Variants in TLR9 observed in about 807,000 individuals in gnomAD.
TLR9 encodes toll like receptor 9.
A neutral mutation model predicts 24.6 loss-of-function variants in TLR9; 19 were observed. The observed-to-expected ratio is 0.77, with a 90% CI of 0.54 to 1.13. The LOEUF (loss-of-function observed/expected upper bound fraction) is 1.13, where lower values mean the gene tolerates loss of function less well. Among genes scored for constraint, TLR9 ranks in the 50% most tolerant of loss-of-function variants. The probability of loss-of-function intolerance (pLI) is 0.00; values close to 1 mark genes in which losing one functional copy is unlikely to be tolerated. For synonymous variants in TLR9, 579 were observed against 609.8 expected, an observed-to-expected ratio of 0.95 and a Z score of 0.74; for missense variants, 1,065 against 1,379.6, an observed-to-expected ratio of 0.77 and a Z score of 3.61.
chr3:52,224,243 C>T lies in TLR9; in HGVS notation c.73G>A (p.Ala25Thr). 1.2e-6 allele frequency: 2 copies of T among 1,613,154 alleles called. No homozygotes were observed. Among genetic ancestry groups the T allele is most frequent in the Non-Finnish European group, 8.5e-7 (1 of 1,179,508 alleles). The change falls in exon 2 of 2, where the codon GCC becomes ACC. Residue 25 changes from alanine to threonine, a missense_variant. Coordinates refer to ENST00000360658, the MANE Select transcript of TLR9 (RefSeq NM_017442.4). ...AGGAAGGCAGGCAAGGTACCCAGGG[C>T]CAGGGTCATGGCCAGCATGATGGCC... Reference protein sequence around the residue: ...VQAIMLAMTLALGTLPAFLPC... With the variant: ...VQAIMLAMTLTLGTLPAFLPC...
At chr3:52,224,961 A>G (rs1434794139) in intron 1 of TLR9, among the ~76,000 whole-genome samples, 2 of 152,238 alleles carry the variant, frequency 1.3e-5, no homozygotes, top group African/African-American at 2.4e-5. Flanking sequence ...CTACAGGCCC[A>G]GTGAGACCCA....
In TLR9 at chr3:52,221,578, C is replaced by T; in HGVS notation, c.2738G>A (p.Trp913Ter). Residue 913 changes from tryptophan to a stop codon, truncating the protein, a stop_gained, in exon 2 of 2, where the codon TGG becomes TAG. Transcript: ENST00000360658. LOFTEE classifies it high-confidence loss of function. The surrounding 1 kb of genome is among the most constrained non-coding windows in gnomAD (Gnocchi z 9.9). Reference sequence around the variant, plus strand: ...CTCAAAGAGGGTTTTGCCAGGCAGCCAGTCGCGTTCCTCCAGGCACAGGCG... The same window carrying T: ...CTCAAAGAGGGTTTTGCCAGGCAGCTAGTCGCGTTCCTCCAGGCACAGGCG... ...ALRLCLEERD[W>*]LPGKTLFENL... 6.2e-7 allele frequency: 1 copy of T among 1,613,066 alleles called. No homozygotes were observed. The highest frequency in any genetic ancestry group is 1.3e-5 in the African/African-American group (1 of 75,062).
intron 1 of TLR9, 41 bp downstream of exon 1, chr3:52,225,483 CCAG>C (rs1310721243): frequency 6.2e-7 from 1 of 1,603,106 alleles, no homozygotes; most frequent in East Asian, 2.3e-5. Context: ...CCACCCCTTC[CCAG>C]GATATCCCCT....
At chr3:52,224,343 C>G (rs377352938) in intron 1 of TLR9, 31 bp from the exon 2 acceptor site, 1 of 1,524,344 alleles carries the variant, frequency 6.6e-7, no homozygotes, top group Non-Finnish European at 8.9e-7. Context: ...TGTGAGTGGC[C>G]GGCCCCCAGC....
Position 52,221,547 on chromosome 3 carries a change from C to T in TLR9, c.2769G>A (p.Leu923=), listed in dbSNP as rs1699553647. ...TGCGGCTGCCATAGACCGAGGCCCA[C>T]AGGTTCTCAAAGAGGGTTTTGCCAG... The part of the protein sequence containing the change: ...WLPGKTLFEN[L]WASVYGSRKT... Residue 923 remains leucine (L), a synonymous_variant, in exon 2 of 2, where the codon CTG becomes CTA. Coordinates refer to ENST00000360658, the MANE Select transcript of TLR9 (RefSeq NM_017442.4). The surrounding 1 kb of genome is among the most constrained non-coding windows in gnomAD (Gnocchi z 9.9). 6.2e-7 allele frequency: 1 copy of T among 1,613,020 alleles called. No homozygotes were observed.
Position 52,222,612 on chromosome 3 carries a change from G to A in TLR9, c.1704C>T (p.Phe568=). 3 of 1,614,162 alleles carry A rather than the reference G, an allele frequency of 1.9e-6. No homozygotes were observed. Among genetic ancestry groups the A allele is most frequent in the Non-Finnish European group, 2.5e-6 (3 of 1,180,032 alleles). The change falls in exon 2 of 2, where the codon TTC becomes TTT. Residue 568 remains phenylalanine (F), a synonymous_variant. Coordinates refer to ENST00000360658, the MANE Select transcript of TLR9 (RefSeq NM_017442.4). ...GGGTGCGCAGGTGAGCCACGAAGCT[G>A]AAGTTGTGGCCCACGCCCTGCATGC... ...PFGMQGVGHN[F]SFVAHLRTLR...
At position 52,224,128 on chromosome 3, in the gene TLR9, C is replaced by T. The variant is rs772719609; in HGVS notation, c.188G>A (p.Gly63Asp). Reference protein sequence around the residue: ...VPHFSMAAPRGNVTSLSLSSN... With the variant: ...VPHFSMAAPRDNVTSLSLSSN... ...GGACAAGGAAAGGCTGGTGACATTG[C>T]CACGGGGTGCTGCCATGGAGAAGTG... The change falls in exon 2 of 2, where the codon GGC becomes GAC. Residue 63 changes from glycine to aspartate, a missense_variant. Physicochemically the swap from Gly to Asp is moderately conservative, Grantham distance 94. Coordinates refer to ENST00000360658, the MANE Select transcript of TLR9 (RefSeq NM_017442.4). 6.3e-7 allele frequency: 1 copy of T among 1,576,038 alleles called. No homozygotes were observed. The highest frequency in any genetic ancestry group is 1.7e-5 in the Admixed American group (1 of 57,332).
Position 52,221,769 on chromosome 3 carries a change from C to CA in TLR9, c.2546dup (p.Cys850ValfsTer16). 6.2e-7 allele frequency: 1 copy of CA among 1,613,972 alleles called. No homozygotes were observed. On this transcript the variant is annotated frameshift_variant, in exon 2 of 2. Coordinates refer to ENST00000360658, the MANE Select transcript of TLR9 (RefSeq NM_017442.4). LOFTEE classifies it high-confidence loss of function. This position sits in a 1 kb window ranked among gnomAD's most constrained non-coding sequence, Gnocchi z 9.9. ...CCCGCCAGGGAAGCCAGGCCAGGCA[C>CA]AGGTGGAAGCAGTACCAGAGGTCCC...
intron 1 of TLR9, among the ~76,000 whole-genome samples, chr3:52,224,931 C>T (rs1699606133): frequency 2.6e-5 from 4 of 152,236 alleles, no homozygotes; most frequent in Admixed American, 2.6e-4. Flanking sequence ...TGCAAAGTGC[C>T]AGACAGAGCC....
rs1269717227 is a variant in TLR9, at chr3:52,221,759, A to T, written c.2557T>A (p.Trp853Arg). ...LWYCFHLCLA[W>R]LPWRGRQSGR... Reference sequence around the variant, plus strand: ...CTTTGCCGCCCCCGCCAGGGAAGCCAGGCCAGGCACAGGTGGAAGCAGTAC... The same window carrying T: ...CTTTGCCGCCCCCGCCAGGGAAGCCTGGCCAGGCACAGGTGGAAGCAGTAC... The change falls in exon 2 of 2, where the codon TGG becomes AGG. Residue 853 changes from tryptophan to arginine, a missense_variant. Coordinates refer to ENST00000360658, the MANE Select transcript of TLR9 (RefSeq NM_017442.4). This position sits in a 1 kb window ranked among gnomAD's most constrained non-coding sequence, Gnocchi z 9.9. 1 of 1,613,950 alleles carries T rather than the reference A, an allele frequency of 6.2e-7. No homozygotes were observed. The highest frequency in any genetic ancestry group is 1.1e-5 in the South Asian group (1 of 91,084).
Position 52,222,317 on chromosome 3 carries a change from A to G in TLR9, c.1999T>C (p.Phe667Leu), listed in dbSNP as rs773148312. ...VLRLRDNYLA[F>L]FKWWSLHFLP... is the part of the protein sequence containing the mutation. ...AAGTGGAGGCTCCACCACTTAAAGA[A>G]GGCCAGGTAATTGTCACGGAGACGC... The change falls in exon 2 of 2, where the codon TTC becomes CTC. Residue 667 changes from phenylalanine to leucine, a missense_variant. Physicochemically the swap from Phe to Leu is conservative, Grantham distance 22 (BLOSUM62 0). Transcript: ENST00000360658. 2 of 1,614,064 alleles carry G rather than the reference A, an allele frequency of 1.2e-6. No homozygotes were observed. Among genetic ancestry groups the G allele is most frequent in the African/African-American group, 2.7e-5 (2 of 74,938 alleles).
Position 52,223,834 on chromosome 3 carries a change from G to T in TLR9, c.482C>A (p.Ala161Asp). The change falls in exon 2 of 2, where the codon GCC becomes GAC. Residue 161 changes from alanine (A) to aspartate (D), a missense_variant. Coordinates refer to ENST00000360658, the MANE Select transcript of TLR9 (RefSeq NM_017442.4). ...CAGGGCATGCAGGCCGGCGAGGCTGGCAGAGTCTAGCATCAGGATGTTGGT... is the reference window on the plus strand; with the variant it reads ...CAGGGCATGCAGGCCGGCGAGGCTGTCAGAGTCTAGCATCAGGATGTTGGT... ...SHTNILMLDS[A>D]SLAGLHALRF... 1 of 1,610,696 alleles carries T rather than the reference G, an allele frequency of 6.2e-7. No homozygotes were observed. The highest frequency in any genetic ancestry group is 1.7e-5 in the Admixed American group (1 of 59,502).
In TLR9 at chr3:52,223,178, C is replaced by G; in HGVS notation, c.1138G>C (p.Asp380His). ...GCCAGTGGCCGGAGCGTGGTCTCAT[C>G]GAGTGAGCGGAAGAAGATGCCGTGC... ...DMHGIFFRSL[D>H]ETTLRPLARL... The change falls in exon 2 of 2, where the codon GAT (aspartate) becomes CAT (histidine). Residue 380 changes from aspartate (D) to histidine (H), a missense_variant. Physicochemically the swap from Asp to His is moderately conservative, Grantham distance 81. Transcript: ENST00000360658. 1.2e-6 allele frequency: 2 copies of G among 1,613,598 alleles called. No individual in the cohort carries two copies. The highest frequency in any genetic ancestry group is 2.2e-5 in the South Asian group (2 of 90,976).
At chr3:52,224,576 C>T (rs1426875145) in intron 1 of TLR9, among the ~76,000 whole-genome samples, 1 of 152,204 alleles carries the variant, frequency 6.6e-6, no homozygotes, top group Non-Finnish European at 1.5e-5. Flanking sequence ...ACAGCTTTCA[C>T]TTAACCAATC....
Position 52,224,312 on chromosome 3 carries a change from CCTGTGGGGGTGGGAGGG to C in TLR9, c.4-17_4-1del. The C allele has an allele frequency of 6.4e-7, 1 of 1,569,150 alleles. No individual in the cohort carries two copies. Among genetic ancestry groups the C allele is most frequent in the Non-Finnish European group, 8.6e-7 (1 of 1,157,554 alleles). On this transcript the variant is annotated splice_acceptor_variant and splice_polypyrimidine_tract_variant and intron_variant, in intron 1 of 1. Coordinates refer to ENST00000360658, the MANE Select transcript of TLR9 (RefSeq NM_017442.4). LOFTEE classifies it high-confidence loss of function. ...GGGTGCAGGGCGCTGCGGCAGAAACCCTGTGGGGGTGGGAGGGCTGTGTGAGTGGCCGGCCCCCAGCT... is the reference window on the plus strand; with the variant it reads ...GGGTGCAGGGCGCTGCGGCAGAAACCCTGTGTGAGTGGCCGGCCCCCAGCT...
At position 52,222,812 on chromosome 3, in the gene TLR9, G is replaced by A. The variant is rs199734250; in HGVS notation, c.1504C>T (p.Arg502Cys). The A allele has an allele frequency of 7.4e-6, 12 of 1,613,918 alleles. No individual in the cohort carries two copies. Among genetic ancestry groups the A allele is most frequent in the Admixed American group, 5.0e-5 (3 of 60,018 alleles). The change falls in exon 2 of 2, where the codon CGC becomes TGC. Residue 502 changes from arginine (R) to cysteine (C), a missense_variant. Coordinates refer to ENST00000360658, the MANE Select transcript of TLR9 (RefSeq NM_017442.4). Reference sequence around the variant, plus strand: ...TGCGAGATGCAGTTGTGGCTCAGGCGCAGGCACTGCAGGTGCGAGAGCTGG... The same window carrying A: ...TGCGAGATGCAGTTGTGGCTCAGGCACAGGCACTGCAGGTGCGAGAGCTGG... ...FAQLSHLQCL[R>C]LSHNCISQAV...
Position 52,222,960 on chromosome 3 carries a change from G to T in TLR9, c.1356C>A (p.Asp452Glu), listed in dbSNP as rs760228106. 2.5e-6 allele frequency: 4 copies of T among 1,597,026 alleles called. No homozygotes were observed. The highest frequency in any genetic ancestry group is 1.7e-6 in the Non-Finnish European group (2 of 1,169,152). ...GAGTGTCCACTGGGGCCGGAGCAAG[G>T]TCCCCAGGCTGCAGCCAGACCTTCT... Reference protein sequence around the residue: ...GGEKVWLQPGDLAPAPVDTPS... With the variant: ...GGEKVWLQPGELAPAPVDTPS... The change falls in exon 2 of 2, where the codon GAC (aspartate) becomes GAA (glutamate). Residue 452 changes from aspartate to glutamate, a missense_variant. Transcript: ENST00000360658.
chr3:52,222,386 G>T lies in TLR9; in HGVS notation c.1930C>A (p.Leu644Met). 6.2e-7 allele frequency: 1 copy of T among 1,614,246 alleles called. No homozygotes were observed. Residue 644 changes from leucine to methionine, a missense_variant, in exon 2 of 2, where the codon CTG becomes ATG. Physicochemically the swap from Leu to Met is conservative, Grantham distance 15 (BLOSUM62 2). Transcript: ENST00000360658. The part of the protein sequence containing the change: ...DLSQNRLHTL[L>M]PQTLRNLPKS... ...GGGAGGTTGCGCAGGGTTTGGGGCA[G>T]GAGGGTGTGCAGGCGGTTCTGGGAC... is the stretch of plus-strand genomic sequence containing the variant.
In TLR9 at chr3:52,221,305, C is replaced by A; in HGVS notation, c.3011G>T (p.Ser1004Ile). ...LWPHQPSGQR[S>I]FWAQLGMALT... is the part of the protein sequence containing the mutation. ...GGCCATGCCCAGCTGGGCCCAGAAG[C>A]TGCGCTGACCACTGGGCTGGTGGGG... is the stretch of plus-strand genomic sequence containing the variant. Residue 1004 changes from serine (S) to isoleucine (I), a missense_variant, in exon 2 of 2, where the codon AGC becomes ATC. Transcript: ENST00000360658. This position sits in a 1 kb window ranked among gnomAD's most constrained non-coding sequence, Gnocchi z 9.9. 1.9e-6 allele frequency: 3 copies of A among 1,542,330 alleles called. No homozygotes were observed. Among genetic ancestry groups the A allele is most frequent in the Non-Finnish European group, 2.6e-6 (3 of 1,144,652 alleles).
Sources: allele counts gnomAD v4.1 joint callset (sites outside exome capture counted in the v4.1 genomes callset), GRCh38; gene constraint gnomAD v4.1.1; non-coding constraint Gnocchi (gnomAD v3.1); transcripts MANE v1.5; gene names NCBI Gene and HGNC (gene_info 2026-07-23, HGNC 2026-07-21).